ZNF624: variants seen among roughly 807,000 people sequenced by gnomAD.
ZNF624 encodes the protein zinc finger protein 624.
Under a neutral mutation model 74.7 loss-of-function variants are expected in ZNF624, and 43 were observed. That is an observed-to-expected ratio of 0.58 (90% CI 0.45 to 0.74). The LOEUF (loss-of-function observed/expected upper bound fraction) is 0.74. ZNF624 is among the 30% of genes least tolerant of loss of function. ZNF624 has a pLI of 0.00. For missense variants in ZNF624, 820 were observed against 1,030.0 expected, an observed-to-expected ratio of 0.80 and a Z score of 2.79; for synonymous variants, 331 against 341.3, an observed-to-expected ratio of 0.97 and a Z score of 0.33.
At chr17:16,632,875 T>A (rs1023891023) in intron 5 of ZNF624, among the ~76,000 whole-genome samples, 1 of 152,368 alleles carries the variant, frequency 6.6e-6, no homozygotes, top group East Asian at 1.9e-4. Flanking sequence ...TCTTATTCTG[T>A]ACCAGTTTCC....
intron 5 of ZNF624, among the ~76,000 whole-genome samples, chr17:16,633,514 A>T (rs1909251995): frequency 6.6e-6 from 1 of 152,218 alleles, no homozygotes; most frequent in South Asian, 2.1e-4. Context: ...ATGAGGGAAG[A>T]AATGTCAGAT....
intron 1 of ZNF624, among the ~76,000 whole-genome samples, chr17:16,651,326 A>G (rs1268147492): frequency 6.6e-6 from 1 of 151,536 alleles, no homozygotes; most frequent in Non-Finnish European, 1.5e-5. Flanking sequence ...GCTACTCGGG[A>G]GGCTGAGGCA....
At chr17:16,629,370 C>T (rs1174802723) in intron 5 of ZNF624, among the ~76,000 whole-genome samples, 1 of 150,920 alleles carries the variant, frequency 6.6e-6, no homozygotes, top group Non-Finnish European at 1.5e-5. Flanking sequence ...GTTTCCCATG[C>T]TGGTCTTGAA....
chr17:16,624,048 T>C lies in ZNF624; in HGVS notation c.838A>G (p.Thr280Ala). The stretch of plus-strand genomic sequence containing the variant: ...CTATAATGAAAGGCCTTTTCGCATG[T>C]ACTACATTTGTAGGGTTTTTCCTTA... ...NNKEKPYKCS[T>A]CEKAFHYRSL... Residue 280 changes from threonine (T) to alanine (A), a missense_variant, in exon 6 of 6, where the codon ACA becomes GCA. Transcript: ENST00000311331. 1.2e-6 allele frequency: 2 copies of C among 1,614,036 alleles called. No homozygotes were observed. The highest frequency in any genetic ancestry group is 1.7e-6 in the Non-Finnish European group (2 of 1,180,012).
intron 5 of ZNF624, among the ~76,000 whole-genome samples, chr17:16,633,234 C>A (rs1055602987): frequency 6.6e-5 from 10 of 152,202 alleles, no homozygotes; most frequent in African/African-American, 1.4e-4. Flanking sequence ...AAGGCAGGGA[C>A]CTGGTCCATT....
chr17:16,623,206 T>G lies in ZNF624; in HGVS notation c.1680A>C (p.Glu560Asp). 6.2e-7 allele frequency: 1 copy of G among 1,613,912 alleles called. No homozygotes were observed. The highest frequency in any genetic ancestry group is 1.1e-5 in the South Asian group (1 of 91,054). The change falls in exon 6 of 6, where the codon GAA becomes GAC. Residue 560 changes from glutamate (E) to aspartate (D), a missense_variant. Glu to Asp is a conservative substitution (Grantham distance 45, BLOSUM62 2). Transcript: ENST00000311331. The surrounding 1 kb of genome is among the most constrained non-coding windows in gnomAD (Gnocchi z 5.3). ...AAGAACGCATGAAGGCCTTTCCACA[T>G]TCAGTACATTTATAAGGTTTCTCTC... The part of the protein sequence containing the change: ...HTGEKPYKCT[E>D]CGKAFMRSSS...
At position 16,623,919 on chromosome 17, in the gene ZNF624, T is replaced by G; in HGVS notation, c.967A>C (p.Lys323Gln). Residue 323 changes from lysine (K) to glutamine (Q), a missense_variant, in exon 6 of 6, where the codon AAA becomes CAA. Lys to Gln is a moderately conservative substitution (Grantham distance 53, BLOSUM62 1). Transcript: ENST00000311331. This position sits in a 1 kb window ranked among gnomAD's most constrained non-coding sequence, Gnocchi z 5.3. ...FSQPSYLSQH[K>Q]KIHTGEKPYK... The stretch of plus-strand genomic sequence containing the variant: ...GGTTTTTCTCCAGTGTGGATTTTTT[T>G]GTGCTGACTGAGATATGAAGGCTGG... 6.2e-7 allele frequency: 1 copy of G among 1,613,984 alleles called. No homozygotes were observed. The highest frequency in any genetic ancestry group is 8.5e-7 in the Non-Finnish European group (1 of 1,180,006).
rs563043616 is a variant in ZNF624, at chr17:16,623,665, C to T, written c.1221G>A (p.Gln407=). ...AGGGTTTCTCACCATTGTGAGTTTCCTGATGTCTTGCAAGTTTTGATTTAT... is the reference window on the plus strand; with the variant it reads ...AGGGTTTCTCACCATTGTGAGTTTCTTGATGTCTTGCAAGTTTTGATTTAT... ...FSDKSKLARH[Q]ETHNGEKPYK... Residue 407 remains glutamine (Q), a synonymous_variant, in exon 6 of 6, where the codon CAG becomes CAA. Coordinates refer to ENST00000311331, the MANE Select transcript of ZNF624 (RefSeq NM_020787.4). This position sits in a 1 kb window ranked among gnomAD's most constrained non-coding sequence, Gnocchi z 5.3. The T allele has an allele frequency of 3.2e-5, 52 of 1,609,204 alleles. No homozygotes were observed. Among genetic ancestry groups the T allele is most frequent in the Admixed American group, 1.7e-4 (10 of 58,936 alleles).
At chr17:16,617,247 G>T, downstream of ZNF624, 3 of 1,612,980 alleles carry the variant, frequency 1.9e-6, no homozygotes, top group Non-Finnish European at 2.5e-6. Flanking sequence ...ATCTACTGCG[G>T]CTGCTCCTGC....
intron 3 of ZNF624, among the ~76,000 whole-genome samples, chr17:16,639,840 G>T (rs1909425299): frequency 6.6e-6 from 1 of 152,138 alleles, no homozygotes; most frequent in Non-Finnish European, 1.5e-5. Context: ...CTGATTTCCA[G>T]AGTTGCCACA....
At position 16,634,626 on chromosome 17, in the gene ZNF624, T is replaced by C; in HGVS notation, c.280+4A>G. 6.2e-7 allele frequency: 1 copy of C among 1,611,904 alleles called. No homozygotes were observed. Among genetic ancestry groups the C allele is most frequent in the Admixed American group, 1.7e-5 (1 of 59,702 alleles). On this transcript the variant is annotated splice_donor_region_variant and intron_variant, in intron 4 of 5. Coordinates refer to ENST00000311331, the MANE Select transcript of ZNF624 (RefSeq NM_020787.4). ...AATCAACACAGAAGAGAAGTTATCC[T>C]TACCCAGGGAGACCAGATTCCTGTA...
rs1411168276 is a variant in ZNF624, at chr17:16,622,736, G to A, written c.2150C>T (p.Thr717Ile). The A allele has an allele frequency of 6.2e-7, 1 of 1,613,508 alleles. No homozygotes were observed. The highest frequency in any genetic ancestry group is 2.2e-5 in the East Asian group (1 of 44,866). ...TTTAAATGGTTTCTCTCCAGTATGT[G>A]TTCTTTGATGTGTATTAAAGCCTGA... ...SNSGFNTHQR[T>I]HTGEKPFKCN... Residue 717 changes from threonine (T) to isoleucine (I), a missense_variant, in exon 6 of 6, where the codon ACA becomes ATA. Thr to Ile is a moderately conservative substitution (Grantham distance 89). Coordinates refer to ENST00000311331, the MANE Select transcript of ZNF624 (RefSeq NM_020787.4).
downstream of ZNF624, among the ~76,000 whole-genome samples, chr17:16,615,956 CATATATATATATATATATATATATAT>C (rs56321425): frequency 0.33 from 29,713 of 90,932 alleles, 4,024 homozygotes; most frequent in East Asian, 0.47. Flanking sequence ...ATTCCATATA[CATATATATATATATATATATATATAT>C]ATATATATAT....
chr17:16,617,751 T>G, downstream of ZNF624: 1 of 1,604,814 alleles, frequency 6.2e-7, no homozygotes, highest in Non-Finnish European at 8.5e-7. Flanking sequence ...GTCGCGGGAG[T>G]CCTCGAACTC....
At chr17:16,641,195 T>C (rs1909457776) in intron 3 of ZNF624, among the ~76,000 whole-genome samples, 1 of 152,224 alleles carries the variant, frequency 6.6e-6, no homozygotes, top group Non-Finnish European at 1.5e-5. Flanking sequence ...TCTAGCCTCA[T>C]ACTTAATGGT....
chr17:16,615,537 A>G, the ZNF624 span, among the ~76,000 whole-genome samples: 5,516 of 152,260 alleles, frequency 0.036, 330 homozygotes, highest in African/African-American at 0.13. Flanking sequence ...AATGTTTAAA[A>G]TCAAACCACA....
intron 5 of ZNF624, among the ~76,000 whole-genome samples, chr17:16,629,830 G>A (rs1201941869): frequency 6.6e-6 from 1 of 152,158 alleles, no homozygotes; most frequent in African/African-American, 2.4e-5. Context: ...CCAAAGTGCT[G>A]GGATTACAAG....
rs1226740986 is a variant in ZNF624, at chr17:16,624,087, T to C, written c.799A>G (p.Lys267Glu). Residue 267 changes from lysine (K) to glutamate (E), a missense_variant, in exon 6 of 6, where the codon AAA becomes GAA. Transcript: ENST00000311331. ...IRQTSELTLG[K>E]KSNNKEKPYK... ...GGTTTTTCCTTATTATTGGATTTTT[T>C]CCCCAAAGTTAGTTCTGAAGTCTGC... is the stretch of plus-strand genomic sequence containing the variant. The C allele has an allele frequency of 2.5e-6, 4 of 1,614,080 alleles. No individual in the cohort carries two copies. The highest frequency in any genetic ancestry group is 3.3e-5 in the Admixed American group (2 of 60,014).
At chr17:16,617,731 C>T, downstream of ZNF624, 2 of 1,602,904 alleles carry the variant, frequency 1.2e-6, no homozygotes, top group Non-Finnish European at 8.5e-7. Flanking sequence ...TCGTAAAGGG[C>T]GTCGTCGGTG....
Sources: allele counts gnomAD v4.1 joint callset (sites outside exome capture counted in the v4.1 genomes callset), GRCh38; gene constraint gnomAD v4.1.1; non-coding constraint Gnocchi (gnomAD v3.1); transcripts MANE v1.5; gene names NCBI Gene and HGNC (gene_info 2026-07-23, HGNC 2026-07-21).